Variants in RNF13 observed in about 807,000 individuals in gnomAD.
RNF13 encodes ring finger protein 13.
Under a neutral mutation model 37.7 loss-of-function variants are expected in RNF13, and 19 were observed. The observed-to-expected ratio is 0.50, with a 90% CI of 0.35 to 0.74. The LOEUF (loss-of-function observed/expected upper bound fraction) is 0.74. RNF13 is among the 30% of genes least tolerant of loss of function. The pLI is 0.01. For missense variants in RNF13, 375 were observed against 453.0 expected, an observed-to-expected ratio of 0.83 and a Z score of 1.56; for synonymous variants, 144 against 157.8, an observed-to-expected ratio of 0.91 and a Z score of 0.65.
intron 8 of RNF13, among the ~76,000 whole-genome samples, chr3:149,930,653 G>A (rs1397838391): frequency 6.6e-6 from 1 of 152,136 alleles, no homozygotes; most frequent in Admixed American, 6.5e-5. Flanking sequence ...TCTTTCCTGA[G>A]TGTTTGGTAG....
intron 8 of RNF13, among the ~76,000 whole-genome samples, chr3:149,953,779 A>T (rs1363770866): frequency 1.3e-5 from 2 of 152,154 alleles, no homozygotes; most frequent in Non-Finnish European, 2.9e-5. Context: ...GCACCCATTC[A>T]TGTGTAAATG....
Position 149,960,147 on chromosome 3 carries a change from T to G in RNF13, c.781+11T>G. On this transcript the variant is annotated intron_variant, in intron 9 of 9. Coordinates refer to ENST00000392894, the MANE Select transcript of RNF13 (RefSeq NM_183381.3). Reference sequence around the variant, plus strand: ...TTCCCTGTTCCCATGGTATGAGTAATTACGTACTGCTTTGAATTTACATAT... The same window carrying G: ...TTCCCTGTTCCCATGGTATGAGTAAGTACGTACTGCTTTGAATTTACATAT... 6.6e-7 allele frequency: 1 copy of G among 1,524,478 alleles called. No individual in the cohort carries two copies. The highest frequency in any genetic ancestry group is 9.1e-7 in the Non-Finnish European group (1 of 1,099,374). 94.4% of individuals were successfully genotyped at this position (1,524,478 alleles called of 1,614,324 possible).
At chr3:149,948,016 C>G (rs1720945692) in intron 8 of RNF13, among the ~76,000 whole-genome samples, 1 of 152,144 alleles carries the variant, frequency 6.6e-6, no homozygotes, top group Admixed American at 6.5e-5. Context: ...GTGGCGCGAT[C>G]TCGGCTCACT....
chr3:149,871,388 G>T (rs1044046637), intron 3 of RNF13, among the ~76,000 whole-genome samples: 3 of 150,094 alleles, frequency 2.0e-5, no homozygotes, highest in Non-Finnish European at 3.0e-5. Context: ...TCCTGGGAAA[G>T]CAACTTGCTG....
chr3:149,832,362 T>G (rs185888555), intron 1 of RNF13, among the ~76,000 whole-genome samples: 6 of 152,312 alleles, frequency 3.9e-5, no homozygotes, highest in African/African-American at 1.4e-4. Flanking sequence ...GAATTAAAAT[T>G]TATTTGGAAG....
At position 149,852,616 on chromosome 3, in the gene RNF13, A is replaced by G; in HGVS notation, c.195+20A>G. On this transcript the variant is annotated intron_variant, in intron 3 of 9. Transcript: ENST00000392894. ...TTAAAGGTAAGACAGTTGGTAATACATTGTAAAGACACAAGGTATTTAATA... is the reference window on the plus strand; with the variant it reads ...TTAAAGGTAAGACAGTTGGTAATACGTTGTAAAGACACAAGGTATTTAATA... The G allele has an allele frequency of 1.6e-6, 2 of 1,217,566 alleles. No individual in the cohort carries two copies. The highest frequency in any genetic ancestry group is 1.5e-5 in the South Asian group (1 of 66,254). 75.4% of individuals were successfully genotyped at this position (1,217,566 alleles called of 1,614,324 possible).
At chr3:149,877,396 T>C (rs2108452422) in intron 4 of RNF13, among the ~76,000 whole-genome samples, 1 of 152,074 alleles carries the variant, frequency 6.6e-6, no homozygotes, top group African/African-American at 2.4e-5. Flanking sequence ...TCTCAATGTT[T>C]ATAGAATTTT....
intron 7 of RNF13, among the ~76,000 whole-genome samples, chr3:149,912,327 T>A (rs1717079191): frequency 6.6e-6 from 1 of 152,068 alleles, no homozygotes; most frequent in African/African-American, 2.4e-5. Flanking sequence ...AAGGGAACTT[T>A]TGGGGGATGA....
At chr3:149,848,481 G>C (rs778169115) in intron 2 of RNF13, among the ~76,000 whole-genome samples, 6 of 152,160 alleles carry the variant, frequency 3.9e-5, no homozygotes, top group Non-Finnish European at 8.8e-5. Context: ...ATCATTCAAA[G>C]GAAGTGAGTT....
chr3:149,833,874 A>T (rs781641522), intron 1 of RNF13, among the ~76,000 whole-genome samples: 7 of 152,248 alleles, frequency 4.6e-5, no homozygotes, highest in Non-Finnish European at 8.8e-5. Context: ...AAGATTCCAC[A>T]AAAGAAAAAA....
intron 8 of RNF13, among the ~76,000 whole-genome samples, chr3:149,935,305 G>A (rs1719564911): frequency 6.6e-6 from 1 of 151,838 alleles, no homozygotes; most frequent in Admixed American, 6.6e-5. Context: ...GCAGATCATT[G>A]GGTTCTGTTT....
chr3:149,831,179 C>T (rs1721000700), intron 1 of RNF13, among the ~76,000 whole-genome samples: 1 of 152,340 alleles, frequency 6.6e-6, no homozygotes, highest in African/African-American at 2.4e-5. Flanking sequence ...CACACAGAGT[C>T]CCTACTGGGG....
intron 8 of RNF13, among the ~76,000 whole-genome samples, chr3:149,953,780 T>C (rs1230995872): frequency 6.6e-6 from 1 of 152,208 alleles, no homozygotes; most frequent in Non-Finnish European, 1.5e-5. Flanking sequence ...CACCCATTCA[T>C]GTGTAAATGT....
At chr3:149,900,743 T>C (rs1038135329) in intron 5 of RNF13, among the ~76,000 whole-genome samples, 2 of 152,344 alleles carry the variant, frequency 1.3e-5, no homozygotes, top group African/African-American at 4.8e-5. Context: ...CATGTTGATA[T>C]AAAAATAGTG....
At chr3:149,903,969 G>GTCTGTCTA (rs1553764657) in intron 6 of RNF13, among the ~76,000 whole-genome samples, 2 of 149,444 alleles carry the variant, frequency 1.3e-5, no homozygotes, top group African/African-American at 2.4e-5. Flanking sequence ...CTGTCTGTCT[G>GTCTGTCTA]TCTATCTATC....
chr3:149,863,794 T>C (rs1368802376), intron 3 of RNF13, among the ~76,000 whole-genome samples: 1 of 152,216 alleles, frequency 6.6e-6, no homozygotes, highest in African/African-American at 2.4e-5. Context: ...TTAAGAATTC[T>C]GTAGTTATTA....
Position 149,960,982 on chromosome 3 carries a change from G to C in RNF13, c.1024G>C (p.Glu342Gln), listed in dbSNP as rs781271591. Residue 342 changes from glutamate (E) to glutamine (Q), a missense_variant, in exon 10 of 10, where the codon GAG (glutamate) becomes CAG (glutamine). Glu to Gln is a conservative substitution (Grantham distance 29, BLOSUM62 2). Coordinates refer to ENST00000392894, the MANE Select transcript of RNF13 (RefSeq NM_183381.3). The part of the protein sequence containing the change: ...HQNMTESSDY[E>Q]EDDNEDTDSS... ...GAACATGACAGAATCTTCAGACTAT[G>C]AGGAAGACGACAATGAAGATACTGA... 1.9e-6 allele frequency: 3 copies of C among 1,614,196 alleles called. No individual in the cohort carries two copies. Among genetic ancestry groups the C allele is most frequent in the African/African-American group, 2.7e-5 (2 of 75,052 alleles).
intron 8 of RNF13, among the ~76,000 whole-genome samples, chr3:149,927,610 T>A (rs767427072): frequency 2.6e-5 from 4 of 152,212 alleles, no homozygotes; most frequent in Non-Finnish European, 5.9e-5. Flanking sequence ...TTTCTCCACA[T>A]CCTTGTCAAC....
chr3:149,904,558 C>G (rs1002908541), intron 6 of RNF13, among the ~76,000 whole-genome samples: 73 of 152,126 alleles, frequency 4.8e-4, no homozygotes, highest in African/African-American at 1.8e-3. Flanking sequence ...GTGAAATAGT[C>G]TGTGTGCTGA....
Sources: allele counts gnomAD v4.1 joint callset (sites outside exome capture counted in the v4.1 genomes callset), GRCh38; gene constraint gnomAD v4.1.1; transcripts MANE v1.5; gene names NCBI Gene and HGNC (gene_info 2026-07-23, HGNC 2026-07-21).